Variants in ZFP1 observed in about 807,000 individuals in gnomAD.
ZFP1 encodes zinc finger protein 1 homolog.
ZFP1 carries 32 observed loss-of-function variants against 38.5 expected under a neutral mutation model. The observed-to-expected ratio is 0.83, with a 90% CI of 0.63 to 1.12. The LOEUF (loss-of-function observed/expected upper bound fraction) is 1.12. ZFP1 is among the 50% of genes most tolerant of loss of function. The pLI is 0.00. For synonymous variants in ZFP1, 245 were observed against 168.8 expected (o/e 1.45, Z -3.50); for missense variants, 616 against 480.8 (o/e 1.28, Z -2.63).
intron 3 of ZFP1, 111 bp from the exon 4 acceptor site, chr16:75,169,142 C>T (rs2038270707): frequency 7.5e-7 from 1 of 1,335,812 alleles, no homozygotes; most frequent in Non-Finnish European, 9.9e-7. Context: ...GAGACTGGGT[C>T]CCAAACTAAA....
intron 2 of ZFP1, among the ~76,000 whole-genome samples, chr16:75,155,030 C>G (rs1045414995): frequency 3.9e-5 from 6 of 152,152 alleles, no homozygotes; most frequent in African/African-American, 1.4e-4. Context: ...AACTCCTGGG[C>G]TCAAGTGATC....
At position 75,167,237 on chromosome 16, in the gene ZFP1, G is replaced by A. The variant is rs143674963; in HGVS notation, c.142+341G>A. Reference sequence around the variant, plus strand: ...GAGAGAGGGAGAAGCAGAAGCCAGTGGAATTAGTATCCAGACGATTATGAG... The same window carrying A: ...GAGAGAGGGAGAAGCAGAAGCCAGTAGAATTAGTATCCAGACGATTATGAG... On this transcript the variant is annotated intron_variant, in intron 3 of 3. Transcript: ENST00000570010. 7.4e-4 allele frequency among the ~76,000 whole-genome samples: 112 copies of A among 152,264 alleles called. 1 individual carries two copies. In the East Asian group the frequency reaches 0.021, roughly 29 times the overall value.
chr16:75,143,577 ATTACAT>A (rs930549159), upstream of ZFP1, among the ~76,000 whole-genome samples: 1 of 145,554 alleles, frequency 6.9e-6, no homozygotes, highest in Non-Finnish European at 1.5e-5. Flanking sequence ...TAATATTGTT[ATTACAT>A]TTAAAGTATG....
the ZFP1 span, among the ~76,000 whole-genome samples, chr16:75,133,981 G>A: frequency 2.8e-4 from 42 of 152,174 alleles, 1 homozygote; most frequent in East Asian, 4.2e-3. Flanking sequence ...CCCAGGAGGT[G>A]GAGGTTGCAG....
At chr16:75,121,378 GC>G in the ZFP1 span, among the ~76,000 whole-genome samples, 1 of 151,834 alleles carries the variant, frequency 6.6e-6, no homozygotes, top group African/African-American at 2.4e-5. Context: ...GCCCACCTCG[GC>G]CCCCCAAAGT....
At chr16:75,166,926 A>T in intron 3 of ZFP1, 30 bp downstream of exon 3, 3 of 1,607,662 alleles carry the variant, frequency 1.9e-6, no homozygotes, top group South Asian at 2.2e-5. Context: ...ACAGCTCACC[A>T]TGTGCCTAGA....
chr16:75,166,734 G>GAT (rs751619875), intron 2 of ZFP1, 36 bp from the exon 3 acceptor site: 1 of 1,613,798 alleles, frequency 6.2e-7, no homozygotes, highest in South Asian at 1.1e-5. Context: ...ATCACCAAAT[G>GAT]ATCATCTTAG....
chr16:75,131,759 T>C, the ZFP1 span, among the ~76,000 whole-genome samples: 2 of 151,888 alleles, frequency 1.3e-5, no homozygotes, highest in Non-Finnish European at 2.9e-5. Context: ...AGGTCAGGAG[T>C]TCGAGACCAG....
chr16:75,122,752 T>C, the ZFP1 span, among the ~76,000 whole-genome samples: 3 of 152,252 alleles, frequency 2.0e-5, no homozygotes, highest in Non-Finnish European at 4.4e-5. Flanking sequence ...GTTATCATCT[T>C]TGTTTCAAAG....
chr16:75,119,464 T>A, the ZFP1 span: 1 of 152,134 alleles, frequency 6.6e-6, no homozygotes, highest in South Asian at 2.1e-4. Context: ...GCTTCCATGT[T>A]GATGGAAGGC....
chr16:75,154,937 A>G (rs1229336568), intron 2 of ZFP1, among the ~76,000 whole-genome samples: 1 of 151,974 alleles, frequency 6.6e-6, no homozygotes, highest in Non-Finnish European at 1.5e-5. Context: ...AGCTGGGATT[A>G]CAGGTGCGCA....
rs373995930 is a variant in ZFP1, at chr16:75,169,236, G to A, written c.143-17G>A. 38 of 1,582,116 alleles carry A rather than the reference G, an allele frequency of 2.4e-5. No individual in the cohort carries two copies. The African/African-American group carries it at 4.2e-4, about 18-fold the overall frequency. Reference sequence around the variant, plus strand: ...AGGCATTGACAAGGTTCTTTTCATTGTGCTCTCTATTCCTAGAAGTGTGGA... The same window carrying A: ...AGGCATTGACAAGGTTCTTTTCATTATGCTCTCTATTCCTAGAAGTGTGGA... On this transcript the variant is annotated splice_polypyrimidine_tract_variant and intron_variant, in intron 3 of 3. Coordinates refer to ENST00000570010, the MANE Select transcript of ZFP1 (RefSeq NM_153688.4).
chr16:75,168,501 A>G (rs1306788914), intron 3 of ZFP1, among the ~76,000 whole-genome samples: 1 of 151,938 alleles, frequency 6.6e-6, no homozygotes, highest in Non-Finnish European at 1.5e-5. Flanking sequence ...GAAGAAAAGT[A>G]GGATATGATA....
intron 1 of ZFP1, 23 bp from the exon 2 acceptor site, chr16:75,152,886 C>T (rs1036491079): frequency 2.5e-6 from 4 of 1,604,350 alleles, no homozygotes; most frequent in African/African-American, 1.3e-5. Flanking sequence ...AATAACAATG[C>T]CTTCCTTTTT....
chr16:75,166,709 A>T (rs2038104828), intron 2 of ZFP1, 61 bp from the exon 3 acceptor site: 1 of 1,612,278 alleles, frequency 6.2e-7, no homozygotes. Context: ...TAAAGTTTTC[A>T]TCTATCCTTT....
chr16:75,165,151 C>T (rs185446001), intron 2 of ZFP1, among the ~76,000 whole-genome samples: 4 of 152,030 alleles, frequency 2.6e-5, no homozygotes, highest in Admixed American at 2.0e-4. Flanking sequence ...TATTTGTTGA[C>T]GTGTTGCCTA....
the ZFP1 span, among the ~76,000 whole-genome samples, chr16:75,122,622 T>C: frequency 6.6e-6 from 1 of 152,230 alleles, no homozygotes; most frequent in African/African-American, 2.4e-5. Context: ...AAATAAGACA[T>C]TAATATTGGT....
At chr16:75,145,403 G>A (rs1352517071), upstream of ZFP1, among the ~76,000 whole-genome samples, 1 of 152,170 alleles carries the variant, frequency 6.6e-6, no homozygotes, top group Non-Finnish European at 1.5e-5. Context: ...AGGCAGGAGG[G>A]CGGGATTCCT....
intron 1 of ZFP1, among the ~76,000 whole-genome samples, chr16:75,150,597 A>T (rs1476740798): frequency 1.3e-5 from 2 of 151,878 alleles, no homozygotes; most frequent in African/African-American, 4.8e-5. Flanking sequence ...AATTATTTTA[A>T]ATTTGTTGTG....
Sources: gnomAD v4.1 joint callset for allele counts (sites outside exome capture counted in the v4.1 genomes callset) on GRCh38, gnomAD v4.1.1 for gene constraint, MANE v1.5 for transcripts, NCBI Gene and HGNC (gene_info 2026-07-23, HGNC 2026-07-21) for gene names.